Variants in MMP26 observed in about 807,000 individuals in gnomAD.
The protein encoded by MMP26 is matrix metalloproteinase-26.
MMP26 carries 33 observed loss-of-function variants against 31.0 expected under a neutral mutation model. That is an observed-to-expected ratio of 1.06 (90% CI 0.81 to 1.42). The LOEUF (loss-of-function observed/expected upper bound fraction) is 1.42. MMP26 is among the 40% of genes most tolerant of loss of function. The pLI is 0.00. For synonymous variants in MMP26, 122 were observed against 114.9 expected, an observed-to-expected ratio of 1.06 and a Z score of -0.40; for missense variants, 347 against 316.1, an observed-to-expected ratio of 1.10 and a Z score of -0.74.
At chr11:4,728,973 T>C (rs1490602574) in intron 1 of MMP26, among the ~76,000 whole-genome samples, 1 of 151,740 alleles carries the variant, frequency 6.6e-6, no homozygotes, top group Admixed American at 6.6e-5. Context: ...TATAATTATA[T>C]ATGGTTTAAA....
chr11:4,951,552 C>A (rs1338346778), intron 2 of MMP26, among the ~76,000 whole-genome samples: 1 of 123,836 alleles, frequency 8.1e-6, no homozygotes, highest in Non-Finnish European at 1.8e-5. Flanking sequence ...TAGATAAATA[C>A]TGGGTTGTTA....
At chr11:4,718,628 A>G (rs760378006) in intron 1 of MMP26, 11 of 154,686 alleles carry the variant, frequency 7.1e-5, no homozygotes, top group Middle Eastern at 1.1e-3. Flanking sequence ...ACTTTGCAGA[A>G]TATCACCTCC....
chr11:4,848,945 T>G (rs758419074), intron 2 of MMP26: 2 of 1,613,850 alleles, frequency 1.2e-6, no homozygotes, highest in East Asian at 4.5e-5. Flanking sequence ...TGCCCAGCAG[T>G]GTGGGCATCA....
At chr11:4,983,709 A>G (rs1846847108) in intron 2 of MMP26, among the ~76,000 whole-genome samples, 1 of 152,198 alleles carries the variant, frequency 6.6e-6, no homozygotes, top group Non-Finnish European at 1.5e-5. Flanking sequence ...TCTGGTATCC[A>G]TTATTAAAAC....
chr11:4,949,683 AT>A lies in MMP26; in HGVS notation c.-144-38384del, dbSNP rs763458556. 1.1e-4 allele frequency among the ~76,000 whole-genome samples: 13 copies of A among 123,284 alleles called. 2 individuals are homozygous for A. Among genetic ancestry groups the A allele is most frequent in the South Asian group, 7.1e-4 (3 of 4,196 alleles). 80.9% of individuals were successfully genotyped at this position (123,284 alleles called of 152,430 possible). A position where few individuals can be genotyped will look rare whatever the true frequency, so the allele number is the denominator to read the frequency against. On this transcript the variant is annotated intron_variant, in intron 2 of 7. Transcript: ENST00000380390. ...GAATAACAACAAAATCTCCAAAAAA[AT>A]GAAGAAAATAAACTGGTAAAATCAG...
At chr11:4,925,690 G>A (rs1400170267) in intron 2 of MMP26, among the ~76,000 whole-genome samples, 2 of 150,842 alleles carry the variant, frequency 1.3e-5, no homozygotes, top group Non-Finnish European at 2.9e-5. Context: ...CTAGAAAGGG[G>A]ACAGAGAATG....
At chr11:4,852,709 C>T (rs553450745) in intron 2 of MMP26, among the ~76,000 whole-genome samples, 1 of 152,244 alleles carries the variant, frequency 6.6e-6, no homozygotes, top group South Asian at 2.1e-4. Flanking sequence ...AGCATTCCCA[C>T]TTCTGGATAT....
chr11:4,706,861 T>G (rs1045946948), intron 1 of MMP26, among the ~76,000 whole-genome samples: 4 of 152,234 alleles, frequency 2.6e-5, no homozygotes, highest in African/African-American at 9.6e-5. Context: ...AGTGGAATCA[T>G]GAAGTATTTC....
At chr11:4,892,032 T>C (rs1850632085) in intron 2 of MMP26, among the ~76,000 whole-genome samples, 1 of 152,024 alleles carries the variant, frequency 6.6e-6, no homozygotes, top group Non-Finnish European at 1.5e-5. Context: ...GCAAGACATA[T>C]AAAGCATATC....
intron 1 of MMP26, among the ~76,000 whole-genome samples, chr11:4,743,685 G>A (rs80207353): frequency 0.045 from 6,847 of 152,178 alleles, 493 homozygotes; most frequent in African/African-American, 0.16. Flanking sequence ...TTGAGACTCA[G>A]CACTGCACTT....
intron 2 of MMP26, among the ~76,000 whole-genome samples, chr11:4,811,203 C>T (rs1048308572): frequency 1.3e-5 from 2 of 152,128 alleles, no homozygotes; most frequent in Non-Finnish European, 2.9e-5. Flanking sequence ...TTTAATGTTT[C>T]CTTTCAACTT....
At chr11:4,882,905 C>A (rs370465147) in intron 2 of MMP26, 1 of 1,578,544 alleles carries the variant, frequency 6.3e-7, no homozygotes, top group Non-Finnish European at 8.7e-7. Flanking sequence ...TGTCAGGACA[C>A]GAATTATGCT....
chr11:4,956,596 T>A (rs115222945), intron 2 of MMP26, among the ~76,000 whole-genome samples: 75 of 152,318 alleles, frequency 4.9e-4, no homozygotes, highest in African/African-American at 1.8e-3. Context: ...AGAGATGCTA[T>A]GAGTTGATTC....
intron 2 of MMP26, among the ~76,000 whole-genome samples, chr11:4,824,418 G>A (rs1257896788): frequency 6.6e-6 from 1 of 152,080 alleles, no homozygotes; most frequent in Non-Finnish European, 1.5e-5. Context: ...CGATTTTTAA[G>A]TACTGCCATG....
rs1027333415 is a variant in MMP26, at chr11:4,950,498, T to C, written c.-144-37570T>C. Among the ~76,000 whole-genome samples the C allele has an allele frequency of 1.8e-4, 22 of 120,008 alleles. 6 individuals carry two copies. The highest frequency in any genetic ancestry group is 3.6e-4 in the Non-Finnish European group (19 of 53,296). 78.7% of individuals were successfully genotyped at this position (120,008 alleles called of 152,430 possible). ...AACAATTGAACTCATAGAAACAAAG[T>C]AGCATGATGAATACTAGATGATGGG... On this transcript the variant is annotated intron_variant, in intron 2 of 7. Transcript: ENST00000380390.
chr11:4,965,999 A>G (rs1846589712), intron 2 of MMP26, among the ~76,000 whole-genome samples: 1 of 152,216 alleles, frequency 6.6e-6, no homozygotes, highest in Non-Finnish European at 1.5e-5. Context: ...TTTAAGCACC[A>G]TGATTTGCCT....
intron 1 of MMP26, chr11:4,723,398 C>A: frequency 1.0e-6 from 1 of 955,514 alleles, no homozygotes; most frequent in Non-Finnish European, 1.7e-6. Context: ...TGCGCCTTGA[C>A]CTCAGCGATA....
intron 2 of MMP26, among the ~76,000 whole-genome samples, chr11:4,918,538 A>G (rs1032931527): frequency 3.3e-5 from 5 of 152,056 alleles, no homozygotes; most frequent in African/African-American, 1.2e-4. Context: ...GGAAAAGATC[A>G]CCTTTAGCCA....
At chr11:4,812,226 G>GTA (rs372342175) in intron 2 of MMP26, among the ~76,000 whole-genome samples, 12 of 151,898 alleles carry the variant, frequency 7.9e-5, no homozygotes, top group South Asian at 2.1e-4. Flanking sequence ...GTTGGTGTGT[G>GTA]TATATATATA....
Sources: allele counts gnomAD v4.1 joint callset (sites outside exome capture counted in the v4.1 genomes callset), GRCh38; gene constraint gnomAD v4.1.1; transcripts MANE v1.5; gene names NCBI Gene and HGNC (gene_info 2026-07-23, HGNC 2026-07-21).